MYO18B: variants seen among roughly 807,000 people sequenced by gnomAD.
MYO18B encodes the protein unconventional myosin-XVIIIb.
Under a neutral mutation model 273.0 loss-of-function variants are expected in MYO18B, and 204 were observed. That is an observed-to-expected ratio of 0.75 (90% CI 0.67 to 0.84). The LOEUF (loss-of-function observed/expected upper bound fraction) is 0.84. Among genes scored for constraint, MYO18B ranks in the 40% least tolerant of loss-of-function variants. MYO18B has a pLI of 0.00. For synonymous variants in MYO18B, 1,330 were observed against 1,305.7 expected (o/e 1.02, Z -0.40); for missense variants, 3,212 against 3,287.6 (o/e 0.98, Z 0.56).
chr22:25,903,636 G>C lies in MYO18B; in HGVS notation c.4953G>C (p.Lys1651Asn). 3 of 1,603,324 alleles carry C rather than the reference G, an allele frequency of 1.9e-6. No individual in the cohort carries two copies. The highest frequency in any genetic ancestry group is 1.7e-6 in the Non-Finnish European group (2 of 1,174,778). Residue 1651 changes from lysine to asparagine, a missense_variant, in exon 31 of 44, where the codon AAG becomes AAC. Transcript: ENST00000335473. ...LGQLQQQLKQ[K>N]EQEASQLKQQ... ...TGTCCTCTTTGTCTCTGTAGCAAAA[G>C]GAGCAGGAAGCCTCACAGCTGAAGC...
At chr22:25,870,763 G>A (rs2091025057) in intron 22 of MYO18B, among the ~76,000 whole-genome samples, 1 of 152,130 alleles carries the variant, frequency 6.6e-6, no homozygotes, top group Non-Finnish European at 1.5e-5. Flanking sequence ...CTCTGGAGGG[G>A]GGCAGGGCTG....
At chr22:25,829,812 TG>T (rs1419341147) in intron 15 of MYO18B, among the ~76,000 whole-genome samples, 1 of 151,834 alleles carries the variant, frequency 6.6e-6, no homozygotes, top group Non-Finnish European at 1.5e-5. Flanking sequence ...CACTCCAGCC[TG>T]GGTGACAAAG....
chr22:25,801,975 A>G (rs1243265276), intron 12 of MYO18B, among the ~76,000 whole-genome samples: 1 of 152,164 alleles, frequency 6.6e-6, no homozygotes, highest in Admixed American at 6.5e-5. Context: ...GTTCCTGCCT[A>G]TGGCAGGCCT....
chr22:25,853,800 A>G (rs561212399), intron 21 of MYO18B, among the ~76,000 whole-genome samples: 5 of 152,184 alleles, frequency 3.3e-5, no homozygotes, highest in East Asian at 1.9e-4. Flanking sequence ...TTACAAGGAG[A>G]ATGGACTTGG....
chr22:25,864,872 A>G (rs949391809), intron 21 of MYO18B, among the ~76,000 whole-genome samples: 1 of 152,242 alleles, frequency 6.6e-6, no homozygotes, highest in Admixed American at 6.5e-5. Flanking sequence ...AGTTTCAATT[A>G]CCTGGGCAAT....
At chr22:25,809,627 C>T (rs1377922536) in intron 12 of MYO18B, among the ~76,000 whole-genome samples, 1 of 152,136 alleles carries the variant, frequency 6.6e-6, no homozygotes, top group Non-Finnish European at 1.5e-5. Context: ...CTGCTACCAT[C>T]ATAAAGTTAT....
At chr22:26,033,738 CTCTT>C (rs201897056), downstream of MYO18B, among the ~76,000 whole-genome samples, 768 of 151,924 alleles carry the variant, frequency 5.1e-3, 8 homozygotes, top group Admixed American at 0.013. Context: ...CTCTTTTTCT[CTCTT>C]TCTCTCTCTC....
chr22:25,824,019 T>A (rs947969326), intron 13 of MYO18B, among the ~76,000 whole-genome samples: 1 of 152,010 alleles, frequency 6.6e-6, no homozygotes, highest in Non-Finnish European at 1.5e-5. Flanking sequence ...GACTAGTCTT[T>A]CTGTTTGAGG....
chr22:25,788,619 T>C (rs1351828669), intron 11 of MYO18B, among the ~76,000 whole-genome samples: 3 of 152,206 alleles, frequency 2.0e-5, no homozygotes, highest in Admixed American at 6.5e-5. Context: ...AAATTATCCA[T>C]TGTTTATCTG....
At chr22:25,879,005 A>G (rs1349170334) in intron 25 of MYO18B, among the ~76,000 whole-genome samples, 1 of 152,252 alleles carries the variant, frequency 6.6e-6, no homozygotes, top group East Asian at 1.9e-4. Flanking sequence ...TTATTAACAG[A>G]ACAGTAGGTG....
chr22:25,954,562 C>T (rs1195869903), intron 38 of MYO18B, among the ~76,000 whole-genome samples: 2 of 152,138 alleles, frequency 1.3e-5, no homozygotes, highest in African/African-American at 2.4e-5. Context: ...CAGGTACTAT[C>T]ATCATCCCTG....
At chr22:25,774,542 G>A (rs1568999675) in intron 7 of MYO18B, among the ~76,000 whole-genome samples, 1 of 152,236 alleles carries the variant, frequency 6.6e-6, no homozygotes, top group African/African-American at 2.4e-5. Flanking sequence ...CACTCTGAAG[G>A]TAGATCCCCC....
At chr22:25,888,530 G>A (rs1357584398) in intron 25 of MYO18B, among the ~76,000 whole-genome samples, 1 of 152,184 alleles carries the variant, frequency 6.6e-6, no homozygotes, top group Non-Finnish European at 1.5e-5. Context: ...TCAAAGCACT[G>A]GGATTACAAA....
Position 25,945,115 on chromosome 22 carries a change from G to T in MYO18B, c.5518-1022G>T, listed in dbSNP as rs1323875068. On this transcript the variant is annotated intron_variant, in intron 34 of 43. Transcript: ENST00000335473. ...GTGTCTCTTAGCCTTCGAGGATCTAGTGAAAGCTATGAACCCAGCAAAATG... is the reference window on the plus strand; with the variant it reads ...GTGTCTCTTAGCCTTCGAGGATCTATTGAAAGCTATGAACCCAGCAAAATG... 2.0e-5 allele frequency among the ~76,000 whole-genome samples: 3 copies of T among 152,206 alleles called. No homozygotes were observed. In the East Asian group the frequency reaches 5.8e-4, roughly 29 times the overall value.
At chr22:25,776,019 A>G (rs970577463) in intron 7 of MYO18B, among the ~76,000 whole-genome samples, 1 of 152,104 alleles carries the variant, frequency 6.6e-6, no homozygotes, top group Non-Finnish European at 1.5e-5. Context: ...CGTCACCCCC[A>G]AAAGTTCTCT....
intron 34 of MYO18B, among the ~76,000 whole-genome samples, chr22:25,923,542 G>T (rs1464209076): frequency 6.6e-6 from 1 of 152,250 alleles, no homozygotes; most frequent in Non-Finnish European, 1.5e-5. Context: ...GCAGGTAAGT[G>T]GCAGAGTCGG....
intron 34 of MYO18B, among the ~76,000 whole-genome samples, chr22:25,944,846 C>CAAA (rs55989904): frequency 2.0e-4 from 15 of 75,632 alleles, no homozygotes; most frequent in Non-Finnish European, 3.3e-4. Context: ...GACTCCATCT[C>CAAA]AAAAAAAAAA....
At chr22:25,932,387 TTTC>T (rs1463560051) in intron 34 of MYO18B, among the ~76,000 whole-genome samples, 22 of 136,574 alleles carry the variant, frequency 1.6e-4, no homozygotes, top group African/African-American at 5.5e-4. Context: ...TCTCTTTTCT[TTTC>T]TTTTCTTTTT....
intron 42 of MYO18B, among the ~76,000 whole-genome samples, chr22:26,007,292 A>C (rs1230365546): frequency 6.6e-6 from 1 of 152,190 alleles, no homozygotes; most frequent in Non-Finnish European, 1.5e-5. Flanking sequence ...TATTAATTGT[A>C]TTTGGTCACA....
Sources: allele counts gnomAD v4.1 joint callset (sites outside exome capture counted in the v4.1 genomes callset), GRCh38; gene constraint gnomAD v4.1.1; transcripts MANE v1.5; gene names NCBI Gene and HGNC (gene_info 2026-07-23, HGNC 2026-07-21).